DGKB: variants seen among roughly 807,000 people sequenced by gnomAD.
DGKB encodes the protein diacylglycerol kinase beta.
In DGKB, 67 loss-of-function variants were observed where a neutral mutation model predicts 114.3. The observed-to-expected ratio is 0.59, with a 90% CI of 0.48 to 0.72. The LOEUF is 0.72. Among genes scored for constraint, DGKB ranks in the 30% least tolerant of loss-of-function variants. The probability of loss-of-function intolerance (pLI) is 0.00; values close to 1 mark genes in which losing one functional copy is unlikely to be tolerated. For synonymous variants in DGKB, 398 were observed against 323.1 expected, an observed-to-expected ratio of 1.23 and a Z score of -2.49; for missense variants, 907 against 975.2, an observed-to-expected ratio of 0.93 and a Z score of 0.93.
At position 14,401,988 on chromosome 7, in the gene DGKB, CCG is replaced by C. The variant is rs1554409351; in HGVS notation, c.1836-56599_1836-56598del. Among the ~76,000 whole-genome samples, 751 of 138,200 alleles carry C rather than the reference CCG, an allele frequency of 5.4e-3. 5 individuals carry two copies. Among genetic ancestry groups the C allele is most frequent in the Non-Finnish European group, 6.2e-3 (405 of 64,910 alleles). 90.7% of individuals were successfully genotyped at this position (138,200 alleles called of 152,430 possible). ...TACACACACACACACACACACACAC[CCG>C]CTATTCAGCTATGATGAATCATTGC... On this transcript the variant is annotated intron_variant, in intron 21 of 25. Transcript: ENST00000402815.
rs544125107 is a variant in DGKB, at chr7:14,508,387, G to A, written c.1771-30162C>T. 1.8e-4 allele frequency among the ~76,000 whole-genome samples: 27 copies of A among 152,242 alleles called. No individual in the cohort carries two copies. The South Asian group carries it at 2.3e-3, about 13-fold the overall frequency. ...TACCTGATTTGAAGATCTTTAAAAG[G>A]CTCATTCATTTAAATAACCCATTTT... is the stretch of plus-strand genomic sequence containing the variant. On this transcript the variant is annotated intron_variant, in intron 20 of 25. Transcript: ENST00000402815.
chr7:14,620,729 A>G (rs1188702762), intron 15 of DGKB, among the ~76,000 whole-genome samples: 3 of 151,930 alleles, frequency 2.0e-5, no homozygotes, highest in African/African-American at 2.4e-5. Flanking sequence ...AATGTTATAC[A>G]TTCACCCCAT....
chr7:14,613,618 C>G (rs1049303979), intron 15 of DGKB, among the ~76,000 whole-genome samples: 1 of 151,434 alleles, frequency 6.6e-6, no homozygotes, highest in African/African-American at 2.4e-5. Context: ...AAAACCTCCT[C>G]CACAAAGAAA....
intron 20 of DGKB, among the ~76,000 whole-genome samples, chr7:14,524,191 A>C (rs1224134234): frequency 6.6e-6 from 1 of 152,130 alleles, no homozygotes; most frequent in East Asian, 1.9e-4. Context: ...ATATTCTAAA[A>C]ATTTCTTAGA....
intron 1 of DGKB, among the ~76,000 whole-genome samples, chr7:14,875,978 T>C (rs1853223271): frequency 6.6e-6 from 1 of 152,172 alleles, no homozygotes; most frequent in Non-Finnish European, 1.5e-5. Flanking sequence ...GGTTGAGCAT[T>C]ATTCAGGTAA....
chr7:14,897,846 A>G (rs2128233935), intron 1 of DGKB, among the ~76,000 whole-genome samples: 1 of 152,060 alleles, frequency 6.6e-6, no homozygotes, highest in Middle Eastern at 3.4e-3. Context: ...GGGCAAAGGC[A>G]AAATATTGTG....
chr7:14,697,405 T>C (rs747952346), intron 8 of DGKB, among the ~76,000 whole-genome samples: 12 of 152,110 alleles, frequency 7.9e-5, no homozygotes, highest in Non-Finnish European at 1.6e-4. Context: ...AAAACTACCA[T>C]CTTCTTTTAT....
chr7:14,246,826 C>T (rs1465622324), intron 23 of DGKB, among the ~76,000 whole-genome samples: 2 of 152,066 alleles, frequency 1.3e-5, no homozygotes, highest in African/African-American at 4.8e-5. Flanking sequence ...GTTGCAAGAT[C>T]TATTCTCAGC....
At chr7:14,169,073 C>T (rs1038838667) in intron 25 of DGKB, among the ~76,000 whole-genome samples, 6 of 151,764 alleles carry the variant, frequency 4.0e-5, no homozygotes, top group Admixed American at 3.3e-4. Context: ...GAAATGCAAA[C>T]CATGGGCCGG....
intron 16 of DGKB, among the ~76,000 whole-genome samples, chr7:14,609,232 AT>A: frequency 6.6e-6 from 1 of 152,080 alleles, no homozygotes; most frequent in Non-Finnish European, 1.5e-5. Flanking sequence ...AAACTCAGAA[AT>A]AAAGCTGCAA....
At chr7:14,905,480 C>G (rs1783654226), upstream of DGKB, among the ~76,000 whole-genome samples, 1 of 152,096 alleles carries the variant, frequency 6.6e-6, no homozygotes, top group African/African-American at 2.4e-5. Context: ...CTGCTCCCAT[C>G]ACTAGATTTT....
At chr7:14,967,306 G>C (rs906657514) in intron 1 of DGKB, among the ~76,000 whole-genome samples, 1 of 132,052 alleles carries the variant, frequency 7.6e-6, no homozygotes, top group Non-Finnish European at 1.6e-5. Flanking sequence ...TTCCTGACTT[G>C]ATTTATTTTT....
At chr7:14,382,473 C>A (rs1054317937) in intron 21 of DGKB, among the ~76,000 whole-genome samples, 1 of 151,358 alleles carries the variant, frequency 6.6e-6, no homozygotes, top group Admixed American at 6.6e-5. Flanking sequence ...CACACAGACA[C>A]ATACACACAT....
At chr7:14,226,411 G>A (rs563271968) in intron 23 of DGKB, among the ~76,000 whole-genome samples, 7 of 152,060 alleles carry the variant, frequency 4.6e-5, no homozygotes, top group South Asian at 2.1e-4. Context: ...TTTTAAAGGC[G>A]TGTAGATTAT....
Position 14,154,034 on chromosome 7 carries a change from C to T in DGKB, c.2305-4796G>A, listed in dbSNP as rs117639015. Among the ~76,000 whole-genome samples, 65 of 151,410 alleles carry T rather than the reference C, an allele frequency of 4.3e-4. 2 individuals are homozygous for T. Among genetic ancestry groups the T allele is most frequent in the Admixed American group, 2.0e-4 (3 of 15,170 alleles). ...AAAGTAAATGAGTGAGCTAAGGAGA[C>T]GAGTCAAAAAAACAAAGGATTCAAC... is the stretch of plus-strand genomic sequence containing the variant. On this transcript the variant is annotated intron_variant, in intron 25 of 25. Transcript: ENST00000402815.
intron 2 of DGKB, among the ~76,000 whole-genome samples, chr7:14,764,704 C>T (rs1310583562): frequency 2.8e-4 from 43 of 151,576 alleles, no homozygotes; most frequent in Admixed American, 2.8e-3. Context: ...CTAAATTTTC[C>T]TATGTATGAA....
intron 6 of DGKB, among the ~76,000 whole-genome samples, chr7:14,704,221 G>A (rs983802360): frequency 7.3e-5 from 11 of 150,824 alleles, no homozygotes; most frequent in Non-Finnish European, 1.5e-4. Context: ...GGATCACGAG[G>A]TCAGGAGATC....
At chr7:14,686,036 A>C (rs1563908896) in intron 9 of DGKB, among the ~76,000 whole-genome samples, 1 of 152,284 alleles carries the variant, frequency 6.6e-6, no homozygotes, top group African/African-American at 2.4e-5. Context: ...ACCCCCTTAT[A>C]AAATATAAGT....
intron 25 of DGKB, among the ~76,000 whole-genome samples, chr7:14,171,242 G>C (rs1780948319): frequency 6.6e-6 from 1 of 152,158 alleles, no homozygotes; most frequent in Admixed American, 6.5e-5. Flanking sequence ...AGTTGCCGTG[G>C]CCTCAGCTAT....
Sources: allele counts gnomAD v4.1 joint callset (sites outside exome capture counted in the v4.1 genomes callset), GRCh38; gene constraint gnomAD v4.1.1; transcripts MANE v1.5; gene names NCBI Gene and HGNC (gene_info 2026-07-23, HGNC 2026-07-21).